Variants in GPHN observed in about 807,000 individuals in gnomAD.
GPHN encodes gephyrin.
A neutral mutation model predicts 95.5 loss-of-function variants in GPHN; 17 were observed. That is an observed-to-expected ratio of 0.18 (90% CI 0.12 to 0.27). GPHN has a LOEUF of 0.27. Ranked by LOEUF, GPHN falls within the 10% of genes least tolerant of loss-of-function variation. The probability of loss-of-function intolerance (pLI) is 1.00; values close to 1 mark genes in which losing one functional copy is unlikely to be tolerated. For missense variants in GPHN, 660 were observed against 978.1 expected (o/e 0.67, Z 4.34); for synonymous variants, 320 against 322.5 (o/e 0.99, Z 0.08).
intron 11 of GPHN, among the ~76,000 whole-genome samples, chr14:67,080,391 A>C (rs1208108612): frequency 6.6e-6 from 1 of 151,252 alleles, no homozygotes; most frequent in Non-Finnish European, 1.5e-5. Context: ...GCATTCTTTG[A>C]TGCACAAAAT....
intron 1 of GPHN, among the ~76,000 whole-genome samples, chr14:66,640,327 C>T (rs1240386492): frequency 1.3e-5 from 2 of 152,148 alleles, no homozygotes; most frequent in East Asian, 1.9e-4. Context: ...GAGGCTGAGG[C>T]AGGAGCATCA....
the GPHN span, among the ~76,000 whole-genome samples, chr14:67,405,520 G>A: frequency 6.6e-6 from 1 of 152,124 alleles, no homozygotes; most frequent in Admixed American, 6.6e-5. Context: ...ACAGATGACT[G>A]GCATGGCCTC....
chr14:66,611,357 G>A (rs985311429), intron 1 of GPHN, among the ~76,000 whole-genome samples: 21 of 152,102 alleles, frequency 1.4e-4, no homozygotes, highest in Non-Finnish European at 5.9e-5. Flanking sequence ...AAATTTATTA[G>A]ATAAGATACC....
chr14:67,474,239 G>A, the GPHN span, among the ~76,000 whole-genome samples: 2 of 148,454 alleles, frequency 1.3e-5, no homozygotes, highest in African/African-American at 5.1e-5. Flanking sequence ...GAGACAGAGT[G>A]AGACTCTGTC....
rs529083638 is a variant in GPHN at position 67,181,578 on chromosome 14, A to T, written c.*641A>T. 6.7e-6 allele frequency: 3 copies of T among 445,890 alleles called. No homozygotes were observed. The highest frequency in any genetic ancestry group is 9.8e-5 in the East Asian group (2 of 20,376). The allele number at this position is 445,890 out of a possible 1,614,324, so 27.6% of individuals were successfully genotyped here. The stretch of plus-strand genomic sequence containing the variant: ...TTTGAAGAAACAAACTGAAGAAAAA[A>T]TGCTTCCTTAAGTGCTGACAGCCTT... On this transcript the variant is annotated 3_prime_UTR_variant, in exon 23 of 23. Coordinates refer to ENST00000478722, the MANE Select transcript of GPHN (RefSeq NM_020806.5).
At chr14:67,311,047 CGT>C in the GPHN span, among the ~76,000 whole-genome samples, 54 of 152,224 alleles carry the variant, frequency 3.5e-4, no homozygotes, top group East Asian at 6.8e-3. Context: ...CGTGGTGGCT[CGT>C]GTCTGTAATC....
intron 1 of GPHN, among the ~76,000 whole-genome samples, chr14:66,679,507 A>G (rs377643883): frequency 1.3e-5 from 2 of 152,230 alleles, no homozygotes; most frequent in East Asian, 1.9e-4. Flanking sequence ...AGTCTCAGCA[A>G]TTTTTAACTT....
rs532976429 is a variant in GPHN, at chr14:67,008,834, A to G, written c.964-14799A>G. The stretch of plus-strand genomic sequence containing the variant: ...AGTGCTGGGATTACAGGTGTTAGCT[A>G]CTGTACCCAGCCCTTTTTAAATTTT... On this transcript the variant is annotated intron_variant, in intron 9 of 22. Transcript: ENST00000478722. 2.0e-5 allele frequency among the ~76,000 whole-genome samples: 3 copies of G among 152,286 alleles called. No homozygotes were observed. The South Asian group carries it at 6.2e-4, about 32-fold the overall frequency.
chr14:67,640,211 C>A, the GPHN span, among the ~76,000 whole-genome samples: 1 of 152,092 alleles, frequency 6.6e-6, no homozygotes, highest in African/African-American at 2.4e-5. Context: ...TCTCCTCCTA[C>A]CCCTGCTCTG....
chr14:66,762,137 T>TAAA (rs3033908), intron 2 of GPHN, among the ~76,000 whole-genome samples: 43 of 145,786 alleles, frequency 2.9e-4, no homozygotes, highest in East Asian at 9.9e-4. Flanking sequence ...TTTGAAAGGT[T>TAAA]AAAAAAAAAA....
chr14:66,843,280 A>G (rs2062171085), intron 4 of GPHN, among the ~76,000 whole-genome samples: 1 of 152,148 alleles, frequency 6.6e-6, no homozygotes, highest in East Asian at 1.9e-4. Context: ...AGCATTATCT[A>G]TCTGCTCCCC....
chr14:67,368,662 G>A, the GPHN span, among the ~76,000 whole-genome samples: 3 of 143,818 alleles, frequency 2.1e-5, no homozygotes, highest in East Asian at 4.8e-4. Context: ...GATTCTTAAC[G>A]ATTCTTACAT....
intron 1 of GPHN, among the ~76,000 whole-genome samples, chr14:66,645,734 T>C (rs1299971648): frequency 6.6e-6 from 1 of 151,742 alleles, no homozygotes; most frequent in Non-Finnish European, 1.5e-5. Flanking sequence ...TTATTTAAAC[T>C]GATTTTATAT....
Position 67,066,277 on chromosome 14 carries a change from G to C in GPHN, c.1144+7491G>C, listed in dbSNP as rs1387525376. Among the ~76,000 whole-genome samples the C allele has an allele frequency of 9.2e-5, 14 of 152,338 alleles. No homozygotes were observed. The East Asian group carries it at 2.5e-3, about 27-fold the overall frequency. ...GGCCCCCACTCTCTTCTGGATTGCA[G>C]GGTTTCTGCAGAGAGATCCGCAGTT... On this transcript the variant is annotated intron_variant, in intron 11 of 22. Transcript: ENST00000478722.
At chr14:66,923,724 T>A (rs1301711852) in intron 7 of GPHN, among the ~76,000 whole-genome samples, 3 of 152,262 alleles carry the variant, frequency 2.0e-5, no homozygotes, top group Admixed American at 6.5e-5. Context: ...AGATTGAAAA[T>A]TTAATTGCTA....
Position 66,623,294 on chromosome 14 carries a change from G to C in GPHN, c.65-57813G>C, listed in dbSNP as rs79364325. Among the ~76,000 whole-genome samples the C allele has an allele frequency of 7.2e-5, 11 of 152,144 alleles. No homozygotes were observed. In the East Asian group the frequency reaches 1.5e-3, roughly 21 times the overall value. On this transcript the variant is annotated intron_variant, in intron 1 of 22. Transcript: ENST00000478722. Reference sequence around the variant, plus strand: ...CCACCCCCATAATTCAATCACCTCCGACCAGGTTCCTCCCAAGACATGTGG... The same window carrying C: ...CCACCCCCATAATTCAATCACCTCCCACCAGGTTCCTCCCAAGACATGTGG...
chr14:66,522,762 AT>A (rs201178467), intron 1 of GPHN, among the ~76,000 whole-genome samples: 10 of 150,292 alleles, frequency 6.7e-5, no homozygotes, highest in South Asian at 2.1e-4. Context: ...AAAATATATA[AT>A]TTTTTTTTCT....
chr14:66,998,279 G>A (rs771233083), intron 9 of GPHN, among the ~76,000 whole-genome samples: 7 of 151,964 alleles, frequency 4.6e-5, no homozygotes, highest in African/African-American at 1.2e-4. Flanking sequence ...TCTGTCACTC[G>A]TGGTAGGGTT....
chr14:66,658,445 A>G (rs752875988), intron 1 of GPHN, among the ~76,000 whole-genome samples: 5 of 152,170 alleles, frequency 3.3e-5, no homozygotes, highest in Admixed American at 6.5e-5. Context: ...ATAAAATGCT[A>G]TTAAATAGCA....
Sources: gnomAD v4.1 joint callset for allele counts (sites outside exome capture counted in the v4.1 genomes callset) on GRCh38, gnomAD v4.1.1 for gene constraint, MANE v1.5 for transcripts, NCBI Gene and HGNC (gene_info 2026-07-23, HGNC 2026-07-21) for gene names.